Variants in CUEDC1 observed in about 807,000 individuals in gnomAD.
The protein encoded by CUEDC1 is CUE domain containing 1.
Under a neutral mutation model 43.7 loss-of-function variants are expected in CUEDC1, and 30 were observed. That is an observed-to-expected ratio of 0.69 (90% confidence interval 0.51 to 0.93). The LOEUF is 0.93. Ranked by LOEUF, CUEDC1 falls within the 40% of genes least tolerant of loss-of-function variation. The probability of loss-of-function intolerance (pLI) is 0.00; values close to 1 mark genes in which losing one functional copy is unlikely to be tolerated. For synonymous variants in CUEDC1, 223 were observed against 223.6 expected (o/e 1.00, Z 0.02); for missense variants, 486 against 549.0 (o/e 0.89, Z 1.15).
chr17:57,881,201 C>T (rs574416929), intron 2 of CUEDC1, among the ~76,000 whole-genome samples: 33 of 152,354 alleles, frequency 2.2e-4, no homozygotes, highest in African/African-American at 7.9e-4. Flanking sequence ...CACATGCACA[C>T]ACATGCACAC....
chr17:57,921,025 G>T (rs2074693198), intron 1 of CUEDC1, among the ~76,000 whole-genome samples: 1 of 152,216 alleles, frequency 6.6e-6, no homozygotes, highest in African/African-American at 2.4e-5. Flanking sequence ...AGATCACTGG[G>T]AATTAGTTGT....
chr17:57,945,060 AC>A (rs1449802538), intron 1 of CUEDC1, among the ~76,000 whole-genome samples: 1 of 152,198 alleles, frequency 6.6e-6, no homozygotes, highest in African/African-American at 2.4e-5. Flanking sequence ...AAAGGTCAGT[AC>A]GGATCATTTG....
chr17:57,874,582 G>A (rs1224165966), intron 3 of CUEDC1, among the ~76,000 whole-genome samples: 3 of 152,174 alleles, frequency 2.0e-5, no homozygotes, highest in African/African-American at 4.8e-5. Flanking sequence ...TGGGCCTGAG[G>A]GCAGCTCGGA....
chr17:57,940,238 A>G (rs2074904841), intron 1 of CUEDC1, among the ~76,000 whole-genome samples: 1 of 147,370 alleles, frequency 6.8e-6, no homozygotes, highest in Non-Finnish European at 1.5e-5. Context: ...CAGGTATTCC[A>G]TTTCTGTCAG....
At chr17:57,877,643 TTGAGAGGC>T (rs1396641696) in intron 3 of CUEDC1, among the ~76,000 whole-genome samples, 5 of 151,008 alleles carry the variant, frequency 3.3e-5, no homozygotes, top group African/African-American at 1.2e-4. Flanking sequence ...TCCCAGCACT[TTGAGAGGC>T]CGAGGTGGGC....
chr17:57,868,215 G>C lies in CUEDC1; in HGVS notation c.969C>G (p.Ala323=), dbSNP rs774865808. The change falls in exon 8 of 11, where the codon GCC becomes GCG. Residue 323 remains alanine, a synonymous_variant. Coordinates refer to ENST00000577830, the MANE Select transcript of CUEDC1 (RefSeq NM_001271875.2). ...KSTRRKLFEL[A]RAFSEKTKMR... ...TTTTGGTCTTCTCTGAGAAGGCTCG[G>C]GCAAGTTCAAACAGTTTCCTCCGGG... 6.2e-6 allele frequency: 10 copies of C among 1,614,106 alleles called. No homozygotes were observed. The highest frequency in any genetic ancestry group is 8.5e-6 in the Non-Finnish European group (10 of 1,180,046).
Position 57,922,872 on chromosome 17 carries a change from CCTCT to C in CUEDC1, c.-316+32349_-316+32352del, listed in dbSNP as rs57540458. 2.6e-3 allele frequency among the ~76,000 whole-genome samples: 381 copies of C among 148,898 alleles called. 11 individuals are homozygous for C. The East Asian group carries it at 0.058, about 23-fold the overall frequency. On this transcript the variant is annotated intron_variant, in intron 1 of 10. Transcript: ENST00000577830. ...ATTAGAATCACCCAGGGAATTTCTC[CCTCT>C]CTCTTTTTTTTTTTTTTTAAATAGG...
At chr17:57,932,053 C>T (rs1426255386) in intron 1 of CUEDC1, among the ~76,000 whole-genome samples, 1 of 151,892 alleles carries the variant, frequency 6.6e-6, no homozygotes, top group Non-Finnish European at 1.5e-5. Flanking sequence ...AGGCACATCG[C>T]CTGAGGTTAG....
At chr17:57,889,426 G>C (rs2012327) in intron 1 of CUEDC1, among the ~76,000 whole-genome samples, 1 of 152,022 alleles carries the variant, frequency 6.6e-6, no homozygotes, top group Admixed American at 6.5e-5. Flanking sequence ...GGGGAGGCTG[G>C]GCTGGCCTGG....
intron 1 of CUEDC1, among the ~76,000 whole-genome samples, chr17:57,929,705 G>A (rs904614502): frequency 2.6e-5 from 4 of 152,180 alleles, no homozygotes; most frequent in African/African-American, 4.8e-5. Context: ...CTGCAAAGAC[G>A]GGTCATACAA....
At chr17:57,879,505 G>T in intron 3 of CUEDC1, 106 bp downstream of exon 3, 1 of 1,190,824 alleles carries the variant, frequency 8.4e-7, no homozygotes, top group East Asian at 3.6e-5. Flanking sequence ...CCTGTTCTTT[G>T]AAATATACTG....
intron 1 of CUEDC1, among the ~76,000 whole-genome samples, chr17:57,944,129 G>T (rs2074939241): frequency 6.6e-6 from 1 of 151,486 alleles, no homozygotes; most frequent in African/African-American, 2.4e-5. Flanking sequence ...ATATTCCCAA[G>T]ATGCTTAGAA....
intron 1 of CUEDC1, among the ~76,000 whole-genome samples, chr17:57,910,777 T>C (rs1290781025): frequency 1.3e-5 from 2 of 152,156 alleles, no homozygotes; most frequent in Admixed American, 6.5e-5. Context: ...AATTAGCATA[T>C]CATAATGTGA....
intron 4 of CUEDC1, 73 bp downstream of exon 4, chr17:57,873,518 G>A: frequency 1.4e-6 from 2 of 1,453,412 alleles, no homozygotes; most frequent in South Asian, 1.4e-5. Flanking sequence ...AAACTGGCTG[G>A]CACAAATTGT....
intron 1 of CUEDC1, among the ~76,000 whole-genome samples, chr17:57,915,922 G>T (rs540881034): frequency 1.3e-5 from 2 of 152,306 alleles, no homozygotes; most frequent in African/African-American, 4.8e-5. Context: ...CAACTCACCC[G>T]TTTGAATCAA....
rs578123718 is a variant in CUEDC1 at position 57,908,966 on chromosome 17, C to T, written c.-315-23087G>A. On this transcript the variant is annotated intron_variant, in intron 1 of 10. Transcript: ENST00000577830. Reference sequence around the variant, plus strand: ...GAGCCAAGATCGCGCTACTGCACTCCAGCCTGGGTGACAGAACGAGACTGT... The same window carrying T: ...GAGCCAAGATCGCGCTACTGCACTCTAGCCTGGGTGACAGAACGAGACTGT... Among the ~76,000 whole-genome samples, 3 of 152,080 alleles carry T rather than the reference C, an allele frequency of 2.0e-5. No individual in the cohort carries two copies. In the South Asian group the frequency reaches 6.2e-4, roughly 32 times the overall value.
Position 57,885,546 on chromosome 17 carries a change from G to T in CUEDC1, c.19C>A (p.Arg7=). MTSLFR[R]SSSGSGGGGT... ...CCCCCGCCGCTGCCGCTGCTGCTCC[G>T]GCGGAACAGGCTGGTCATTTTGCGG... Residue 7 remains arginine, a synonymous_variant, in exon 2 of 11, where the codon CGG becomes AGG. Coordinates refer to ENST00000577830, the MANE Select transcript of CUEDC1 (RefSeq NM_001271875.2). 1.5e-6 allele frequency: 2 copies of T among 1,372,488 alleles called. No individual in the cohort carries two copies. The highest frequency in any genetic ancestry group is 3.0e-5 in the East Asian group (1 of 33,878). 85.0% of individuals were successfully genotyped at this position (1,372,488 alleles called of 1,614,324 possible).
intron 1 of CUEDC1, among the ~76,000 whole-genome samples, chr17:57,940,151 G>A (rs1171458701): frequency 2.0e-5 from 3 of 151,866 alleles, no homozygotes; most frequent in Non-Finnish European, 4.4e-5. Context: ...ATGTAATAAA[G>A]GAGCCGTTAA....
At chr17:57,943,037 C>T (rs773670731) in intron 1 of CUEDC1, among the ~76,000 whole-genome samples, 7 of 151,994 alleles carry the variant, frequency 4.6e-5, no homozygotes, top group African/African-American at 9.7e-5. Flanking sequence ...CAAAACAAAA[C>T]AAAAACAAAA....
Sources: allele counts gnomAD v4.1 joint callset (sites outside exome capture counted in the v4.1 genomes callset), GRCh38; gene constraint gnomAD v4.1.1; transcripts MANE v1.5; gene names NCBI Gene and HGNC (gene_info 2026-07-23, HGNC 2026-07-21).